Variants in QTMAN observed in about 807,000 individuals in gnomAD.
QTMAN encodes tRNA-queuosine alpha-mannosyltransferase.
chr2:144,074,503 TA>T, the QTMAN span, among the ~76,000 whole-genome samples: 1 of 152,218 alleles, frequency 6.6e-6, no homozygotes, highest in African/African-American at 2.4e-5. Flanking sequence ...TTGGGATGAT[TA>T]AAGATAAACA....
At chr2:144,276,859 G>T in the QTMAN span, among the ~76,000 whole-genome samples, 1 of 152,024 alleles carries the variant, frequency 6.6e-6, no homozygotes, top group Non-Finnish European at 1.5e-5. Flanking sequence ...ACTCTTAATA[G>T]TTCATACACT....
At chr2:144,297,800 T>A in the QTMAN span, among the ~76,000 whole-genome samples, 2 of 151,430 alleles carry the variant, frequency 1.3e-5, no homozygotes, top group African/African-American at 4.9e-5. Flanking sequence ...CAGGATGGTC[T>A]CCATCTCCTG....
chr2:143,984,610 C>T, the QTMAN span, among the ~76,000 whole-genome samples: 54 of 152,284 alleles, frequency 3.5e-4, no homozygotes, highest in African/African-American at 1.3e-3. Context: ...TAAGAACTAC[C>T]CCTGTTTTCC....
chr2:144,055,656 G>C, the QTMAN span, among the ~76,000 whole-genome samples: 1 of 152,112 alleles, frequency 6.6e-6, no homozygotes, highest in South Asian at 2.1e-4. Flanking sequence ...TTAGCTAGAG[G>C]GGGCAGGAGT....
the QTMAN span, among the ~76,000 whole-genome samples, chr2:144,198,731 A>G: frequency 6.6e-6 from 1 of 152,186 alleles, no homozygotes; most frequent in African/African-American, 2.4e-5. Context: ...GAGCTTTCCA[A>G]TGCTGCCCAT....
chr2:144,007,305 G>A, the QTMAN span: 141 of 1,612,846 alleles, frequency 8.7e-5, 2 homozygotes, highest in African/African-American at 9.4e-5. Flanking sequence ...ATTATCTGAC[G>A]AGGTGGATTT....
At chr2:144,269,922 C>T in the QTMAN span, among the ~76,000 whole-genome samples, 360 of 151,312 alleles carry the variant, frequency 2.4e-3, 1 homozygote, top group African/African-American at 8.1e-3. Flanking sequence ...ACATTTGTAA[C>T]GCATTATAAT....
At chr2:144,136,430 G>GAAAGGAAAGGAAAGA in the QTMAN span, among the ~76,000 whole-genome samples, 1 of 150,132 alleles carries the variant, frequency 6.7e-6, no homozygotes, top group Admixed American at 6.7e-5. Context: ...GAAAGGAAAG[G>GAAAGGAAAGGAAAGA]AAAGGAAAAG....
the QTMAN span, among the ~76,000 whole-genome samples, chr2:144,145,392 T>A: frequency 1.3e-5 from 2 of 151,914 alleles, no homozygotes; most frequent in Non-Finnish European, 2.9e-5. Flanking sequence ...TGTATTTTTA[T>A]AAAATGATTA....
At chr2:143,967,950 G>C in the QTMAN span, among the ~76,000 whole-genome samples, 1 of 152,142 alleles carries the variant, frequency 6.6e-6, no homozygotes, top group African/African-American at 2.4e-5. Flanking sequence ...AGAACACCTG[G>C]AATACAGTAA....
At chr2:143,939,352 C>T in the QTMAN span, 3 of 152,092 alleles carry the variant, frequency 2.0e-5, no homozygotes, top group East Asian at 1.9e-4. Context: ...TTTTTAAATG[C>T]CAGAGTTATG....
At chr2:144,321,372 T>G in the QTMAN span, among the ~76,000 whole-genome samples, 1 of 152,210 alleles carries the variant, frequency 6.6e-6, no homozygotes, top group Non-Finnish European at 1.5e-5. Flanking sequence ...TGGCTAGATT[T>G]CTAGAAGTCA....
chr2:144,012,765 G>C, the QTMAN span, among the ~76,000 whole-genome samples: 1 of 152,138 alleles, frequency 6.6e-6, no homozygotes, highest in African/African-American at 2.4e-5. Flanking sequence ...ACATTTGGAA[G>C]ATAGCAGGTG....
At chr2:144,251,232 A>G in the QTMAN span, among the ~76,000 whole-genome samples, 1 of 152,192 alleles carries the variant, frequency 6.6e-6, no homozygotes, top group Admixed American at 6.5e-5. Flanking sequence ...TTGGCTTGAG[A>G]TAACTTGTTT....
At chr2:144,265,018 T>C in the QTMAN span, among the ~76,000 whole-genome samples, 1 of 152,244 alleles carries the variant, frequency 6.6e-6, no homozygotes, top group African/African-American at 2.4e-5. Flanking sequence ...AGGGAGGCAG[T>C]GTACTGATTT....
the QTMAN span, among the ~76,000 whole-genome samples, chr2:144,035,342 T>G: frequency 3.3e-5 from 5 of 152,168 alleles, no homozygotes; most frequent in Admixed American, 3.3e-4. Context: ...CAGTCTCAGG[T>G]AGTTCTTTAC....
the QTMAN span, among the ~76,000 whole-genome samples, chr2:144,281,238 C>G: frequency 6.6e-6 from 1 of 151,716 alleles, no homozygotes; most frequent in African/African-American, 2.4e-5. Flanking sequence ...CTCTTCACTT[C>G]CAAATTGCTG....
chr2:144,218,095 A>G, the QTMAN span, among the ~76,000 whole-genome samples: 1 of 152,224 alleles, frequency 6.6e-6, no homozygotes, highest in African/African-American at 2.4e-5. Context: ...AAAACCCTTT[A>G]GCAATGGCCG....
At chr2:144,208,530 T>C in the QTMAN span, 1 of 1,250,020 alleles carries the variant, frequency 8.0e-7, no homozygotes. Flanking sequence ...TCAAAGATAC[T>C]GATGGAGAAG....
Sources: gnomAD v4.1 joint callset for allele counts (sites outside exome capture counted in the v4.1 genomes callset) on GRCh38, gnomAD v4.1.1 for gene constraint, MANE v1.5 for transcripts, NCBI Gene and HGNC (gene_info 2026-07-23, HGNC 2026-07-21) for gene names.